ASIC2: variants seen among roughly 807,000 people sequenced by gnomAD.
ASIC2 encodes acid sensing ion channel subunit 2, also known as acid-sensing ion channel 2.
A neutral mutation model predicts 57.3 loss-of-function variants in ASIC2; 25 were observed. The ratio of observed to expected loss-of-function variants is 0.44; its 90% CI spans 0.32 to 0.61. ASIC2 has a LOEUF of 0.61. Ranked by LOEUF, ASIC2 falls within the 20% of genes least tolerant of loss-of-function variation. The probability of loss-of-function intolerance (pLI) is 0.06; values close to 1 mark genes in which losing one functional copy is unlikely to be tolerated. For missense variants in ASIC2, 641 were observed against 738.1 expected, an observed-to-expected ratio of 0.87 and a Z score of 1.52; for synonymous variants, 319 against 307.5, an observed-to-expected ratio of 1.04 and a Z score of -0.39.
intron 1 of ASIC2, among the ~76,000 whole-genome samples, chr17:33,153,413 C>T (rs1176698269): frequency 6.6e-6 from 1 of 152,154 alleles, no homozygotes; most frequent in Admixed American, 6.5e-5. Flanking sequence ...GCTAATAACT[C>T]AAGAGTTACA....
chr17:33,428,471 C>A (rs1037149638), intron 1 of ASIC2, among the ~76,000 whole-genome samples: 2 of 152,332 alleles, frequency 1.3e-5, no homozygotes, highest in East Asian at 3.9e-4. Context: ...GCTGTGAGTT[C>A]TACTCTGGGA....
chr17:33,052,397 C>G (rs1004749280), intron 3 of ASIC2: 39 of 152,210 alleles, frequency 2.6e-4, no homozygotes, highest in African/African-American at 9.4e-4. Flanking sequence ...CTTGATGAAT[C>G]ACTGTCATTC....
intron 1 of ASIC2, among the ~76,000 whole-genome samples, chr17:33,467,553 T>C (rs139611081): frequency 3.3e-5 from 5 of 152,336 alleles, no homozygotes; most frequent in African/African-American, 1.2e-4. Flanking sequence ...AGACTCTTTA[T>C]GTCTGATAGG....
chr17:33,306,981 A>C (rs915753664), intron 1 of ASIC2, among the ~76,000 whole-genome samples: 6 of 151,824 alleles, frequency 4.0e-5, no homozygotes, highest in African/African-American at 1.5e-4. Flanking sequence ...GTATATATCT[A>C]TATATTATAT....
chr17:33,947,558 T>C (rs1904422876), intron 1 of ASIC2, among the ~76,000 whole-genome samples: 1 of 151,812 alleles, frequency 6.6e-6, no homozygotes, highest in African/African-American at 2.4e-5. Context: ...AACAGAGAAA[T>C]GGAGAAGGAA....
intron 3 of ASIC2, among the ~76,000 whole-genome samples, chr17:33,030,501 ATTATTT>A (rs1248073856): frequency 6.6e-6 from 1 of 151,854 alleles, no homozygotes; most frequent in African/African-American, 2.4e-5. Flanking sequence ...AGTCTTTATT[ATTATTT>A]TTATTTCTTT....
chr17:33,514,635 A>G lies in ASIC2; in HGVS notation c.556-402568T>C, dbSNP rs563479224. On this transcript the variant is annotated intron_variant, in intron 1 of 9. Coordinates refer to the ASIC2 transcript ENST00000359872. ...GGCATTTCCCCAGTGACCAAGAATT[A>G]CGGATCTTTTTCTGGAATGGGATCC... Among the ~76,000 whole-genome samples, 3 of 152,310 alleles carry G rather than the reference A, an allele frequency of 2.0e-5. No individual in the cohort carries two copies. In the East Asian group the frequency reaches 5.8e-4, roughly 29 times the overall value.
chr17:33,439,040 C>T (rs1015899155), intron 1 of ASIC2, among the ~76,000 whole-genome samples: 2 of 152,072 alleles, frequency 1.3e-5, no homozygotes, highest in East Asian at 1.9e-4. Context: ...GAAGAGGTCT[C>T]GCTATGTTGC....
intron 1 of ASIC2, among the ~76,000 whole-genome samples, chr17:33,668,195 C>A (rs1335865059): frequency 6.6e-6 from 1 of 150,716 alleles, no homozygotes; most frequent in Admixed American, 6.7e-5. Context: ...GGAGAGAAGG[C>A]ATCTTTAGAG....
intron 1 of ASIC2, among the ~76,000 whole-genome samples, chr17:33,366,103 C>T (rs921230003): frequency 6.6e-6 from 1 of 152,202 alleles, no homozygotes; most frequent in Non-Finnish European, 1.5e-5. Context: ...GGCTGATGAC[C>T]CTCCCATGAT....
chr17:33,768,228 G>A (rs1423154219), intron 1 of ASIC2, among the ~76,000 whole-genome samples: 1 of 151,780 alleles, frequency 6.6e-6, no homozygotes, highest in Admixed American at 6.6e-5. Flanking sequence ...CCGTGGTCTC[G>A]ATCTCCTGAC....
At chr17:33,677,946 GT>G (rs1907877778) in intron 1 of ASIC2, among the ~76,000 whole-genome samples, 1 of 152,196 alleles carries the variant, frequency 6.6e-6, no homozygotes, top group African/African-American at 2.4e-5. Flanking sequence ...TGGGTAAACT[GT>G]GGGTAAAATG....
At chr17:34,102,485 A>T (rs9915948) in intron 1 of ASIC2, among the ~76,000 whole-genome samples, 26,990 of 152,036 alleles carry the variant, frequency 0.18, 3,010 homozygotes, top group African/African-American at 0.32. Flanking sequence ...CTGCCACCTC[A>T]CACCCCAGAA....
intron 1 of ASIC2, among the ~76,000 whole-genome samples, chr17:33,480,217 C>G (rs1314292208): frequency 2.0e-5 from 3 of 152,220 alleles, no homozygotes; most frequent in African/African-American, 4.8e-5. Context: ...TGTCATGGTT[C>G]CTGCCCACGT....
At chr17:33,015,806 G>A (rs889122124) in intron 9 of ASIC2, among the ~76,000 whole-genome samples, 165 bp downstream of exon 9, 1 of 152,182 alleles carries the variant, frequency 6.6e-6, no homozygotes, top group African/African-American at 2.4e-5. Flanking sequence ...AGAGGCTCGA[G>A]GCTCAGCTGG....
chr17:34,030,112 C>G (rs1907534984), intron 1 of ASIC2, among the ~76,000 whole-genome samples: 1 of 152,186 alleles, frequency 6.6e-6, no homozygotes, highest in South Asian at 2.1e-4. Flanking sequence ...GAAAATACAG[C>G]ATTTTTCAAA....
At chr17:33,464,133 A>G (rs1384154471) in intron 1 of ASIC2, among the ~76,000 whole-genome samples, 1 of 152,118 alleles carries the variant, frequency 6.6e-6, no homozygotes, top group Admixed American at 6.5e-5. Context: ...TCCCAGTCCT[A>G]AGAGTCTGAG....
intron 1 of ASIC2, among the ~76,000 whole-genome samples, chr17:33,416,705 C>A (rs756577192): frequency 1.3e-5 from 2 of 152,206 alleles, no homozygotes; most frequent in Non-Finnish European, 2.9e-5. Context: ...GTTTATTTTG[C>A]CATTTGTCAA....
intron 1 of ASIC2, among the ~76,000 whole-genome samples, chr17:34,152,496 A>G (rs560307112): frequency 6.6e-6 from 1 of 152,268 alleles, no homozygotes; most frequent in East Asian, 1.9e-4. Context: ...TGCTCCAAAC[A>G]GAGAAAGCAG....
Sources: allele counts gnomAD v4.1 joint callset (sites outside exome capture counted in the v4.1 genomes callset), GRCh38; gene constraint gnomAD v4.1.1; transcripts MANE v1.5; gene names NCBI Gene and HGNC (gene_info 2026-07-23, HGNC 2026-07-21).